Variants in GABBR2 observed in about 807,000 individuals in gnomAD.
GABBR2 encodes G-protein coupled receptor 51.
GABBR2 carries 23 observed loss-of-function variants against 105.6 expected under a neutral mutation model. The ratio of observed to expected loss-of-function variants is 0.22; its 90% CI spans 0.16 to 0.31. The LOEUF (loss-of-function observed/expected upper bound fraction) is 0.31, where lower values mean the gene tolerates loss of function less well. Ranked by LOEUF, GABBR2 falls within the 10% of genes least tolerant of loss-of-function variation. The pLI is 1.00. For synonymous variants in GABBR2, 478 were observed against 499.7 expected (o/e 0.96, Z 0.58); for missense variants, 734 against 1,245.5 (o/e 0.59, Z 6.18).
chr9:98,511,346 C>A (rs1827638847), intron 3 of GABBR2, among the ~76,000 whole-genome samples: 2 of 150,090 alleles, frequency 1.3e-5, no homozygotes, highest in South Asian at 4.3e-4. Context: ...ATTAAAAGAA[C>A]TAGAAAAGCA....
intron 1 of GABBR2, among the ~76,000 whole-genome samples, chr9:98,621,625 T>A (rs1475786158): frequency 6.6e-6 from 1 of 152,224 alleles, no homozygotes; most frequent in Non-Finnish European, 1.5e-5. Context: ...CATGCTCCTT[T>A]ACAACGGGAG....
rs115486676 is a variant in GABBR2, at chr9:98,425,343, C to T, written c.1237-19202G>A. Among the ~76,000 whole-genome samples the T allele has an allele frequency of 2.5e-3, 382 of 152,214 alleles. 1 individual carries two copies. The highest frequency in any genetic ancestry group is 8.1e-3 in the African/African-American group (336 of 41,532). On this transcript the variant is annotated intron_variant, in intron 7 of 18. Coordinates refer to ENST00000259455, the MANE Select transcript of GABBR2 (RefSeq NM_005458.8). ...TTCTCTGTACCTGAAGGAGGTTAAA[C>T]GAAGTAAAATTGAACCTAGACTTTA...
At position 98,674,674 on chromosome 9, in the gene GABBR2, G is replaced by C. The variant is rs550269982; in HGVS notation, c.321+33743C>G. Among the ~76,000 whole-genome samples, 51 of 152,290 alleles carry C rather than the reference G, an allele frequency of 3.3e-4. 1 individual carries two copies. The highest frequency in any genetic ancestry group is 1.2e-3 in the African/African-American group (48 of 41,568). ...GGAGAGTCCATGACAGATGAGACAA[G>C]AAGAGAGGCTACAAGGTGGCGGCCC... is the stretch of plus-strand genomic sequence containing the variant. On this transcript the variant is annotated intron_variant, in intron 1 of 18. Transcript: ENST00000259455.
At chr9:98,572,936 A>G (rs13298759) in intron 2 of GABBR2, among the ~76,000 whole-genome samples, 17,544 of 152,208 alleles carry the variant, frequency 0.12, 1,259 homozygotes, top group Non-Finnish European at 0.17. Context: ...ATGCTAGGGC[A>G]GTATTGTCTG....
At chr9:98,605,670 GA>G (rs1220473332) in intron 1 of GABBR2, among the ~76,000 whole-genome samples, 2 of 152,188 alleles carry the variant, frequency 1.3e-5, no homozygotes, top group African/African-American at 2.4e-5. Context: ...CAAACTGCGT[GA>G]CATAAGCAGA....
Position 98,565,587 on chromosome 9 carries a change from G to T in GABBR2, c.459+12348C>A, listed in dbSNP as rs541599420. Among the ~76,000 whole-genome samples the T allele has an allele frequency of 2.0e-3, 311 of 152,280 alleles. 4 individuals are homozygous for T. The highest frequency in any genetic ancestry group is 6.8e-3 in the African/African-American group (283 of 41,568). ...CATGGAGGTGACCCCAGATCCCAGG[G>T]CTCTGTCTCTACCTGCACAGATAGG... is the stretch of plus-strand genomic sequence containing the variant. On this transcript the variant is annotated intron_variant, in intron 2 of 18. Coordinates refer to ENST00000259455, the MANE Select transcript of GABBR2 (RefSeq NM_005458.8).
intron 13 of GABBR2, among the ~76,000 whole-genome samples, chr9:98,330,317 AATGC>A (rs142441260): frequency 0.042 from 6,437 of 152,264 alleles, 460 homozygotes; most frequent in African/African-American, 0.15. Context: ...CTCTAGTTGA[AATGC>A]ATGCATCTTT....
intron 18 of GABBR2, among the ~76,000 whole-genome samples, chr9:98,293,544 G>T (rs947997434): frequency 6.6e-6 from 1 of 152,246 alleles, no homozygotes; most frequent in South Asian, 2.1e-4. Context: ...ATGTTGGAAA[G>T]ATGTGAGTTC....
chr9:98,632,366 T>C (rs1278826850), intron 1 of GABBR2, among the ~76,000 whole-genome samples: 2 of 152,210 alleles, frequency 1.3e-5, no homozygotes, highest in Non-Finnish European at 2.9e-5. Context: ...AGGTGCTCAA[T>C]AAATGGAGTT....
chr9:98,363,435 G>A (rs914259503), intron 12 of GABBR2, among the ~76,000 whole-genome samples: 1 of 152,182 alleles, frequency 6.6e-6, no homozygotes, highest in Non-Finnish European at 1.5e-5. Flanking sequence ...TTATGGATGA[G>A]CAAACTGAGG....
chr9:98,537,827 A>AGTG (rs1828211924), intron 3 of GABBR2, among the ~76,000 whole-genome samples: 1 of 152,236 alleles, frequency 6.6e-6, no homozygotes, highest in African/African-American at 2.4e-5. Context: ...AAGGCTATTA[A>AGTG]AAGTGAAGAA....
At chr9:98,354,287 G>C (rs1831450257) in intron 13 of GABBR2, among the ~76,000 whole-genome samples, 1 of 152,198 alleles carries the variant, frequency 6.6e-6, no homozygotes, top group African/African-American at 2.4e-5. Context: ...AGGGCCCTAG[G>C]ATTTTTGAAA....
At chr9:98,327,253 C>T (rs939787037) in intron 13 of GABBR2, among the ~76,000 whole-genome samples, 6 of 152,064 alleles carry the variant, frequency 3.9e-5, no homozygotes, top group African/African-American at 9.7e-5. Flanking sequence ...TTATGTCTTG[C>T]GGGAACTGTT....
intron 3 of GABBR2, among the ~76,000 whole-genome samples, chr9:98,534,599 A>C (rs1302765943): frequency 6.6e-6 from 1 of 152,228 alleles, no homozygotes; most frequent in Non-Finnish European, 1.5e-5. Flanking sequence ...CAAGATGAAA[A>C]AAAGATGGCA....
rs550060732 is a variant in GABBR2, at chr9:98,691,854, G to A, written c.321+16563C>T. ...AAGGCCCTTCCAGGTTCCACCCTGT[G>A]AGAATTCAATTCACCACCTCCTCTT... On this transcript the variant is annotated intron_variant, in intron 1 of 18. Coordinates refer to ENST00000259455, the MANE Select transcript of GABBR2 (RefSeq NM_005458.8). Among the ~76,000 whole-genome samples the A allele has an allele frequency of 5.9e-5, 9 of 152,334 alleles. No individual in the cohort carries two copies. The East Asian group carries it at 1.5e-3, about 26-fold the overall frequency.
intron 2 of GABBR2, among the ~76,000 whole-genome samples, chr9:98,571,955 T>A (rs1373683178): frequency 2.0e-5 from 3 of 152,154 alleles, no homozygotes; most frequent in Non-Finnish European, 4.4e-5. Context: ...TCCTCCCTCC[T>A]CCCCAGTGCC....
chr9:98,689,256 C>A (rs1202879139), intron 1 of GABBR2, among the ~76,000 whole-genome samples: 1 of 152,178 alleles, frequency 6.6e-6, no homozygotes, highest in Non-Finnish European at 1.5e-5. Flanking sequence ...GGCCCTGGAA[C>A]CAGACTGCCT....
intron 1 of GABBR2, among the ~76,000 whole-genome samples, chr9:98,706,346 T>C (rs1830894002): frequency 6.6e-6 from 1 of 152,080 alleles, no homozygotes; most frequent in Non-Finnish European, 1.5e-5. Context: ...AAGTAACCAG[T>C]TTCTCACTAA....
At chr9:98,448,365 C>A (rs900172434) in intron 7 of GABBR2, among the ~76,000 whole-genome samples, 2 of 152,116 alleles carry the variant, frequency 1.3e-5, no homozygotes, top group Non-Finnish European at 2.9e-5. Context: ...AGTGTACATG[C>A]CCTAAGGAAC....
Sources: gnomAD v4.1 joint callset for allele counts (sites outside exome capture counted in the v4.1 genomes callset) on GRCh38, gnomAD v4.1.1 for gene constraint, MANE v1.5 for transcripts, NCBI Gene and HGNC (gene_info 2026-07-23, HGNC 2026-07-21) for gene names.